PCDH15: variants seen among roughly 807,000 people sequenced by gnomAD.
The protein encoded by PCDH15 is protocadherin related 15.
PCDH15 carries 129 observed loss-of-function variants against 178.5 expected under a neutral mutation model. The ratio of observed to expected loss-of-function variants is 0.72; its 90% CI spans 0.63 to 0.84. The LOEUF is 0.84. Ranked by LOEUF, PCDH15 falls within the 40% of genes least tolerant of loss-of-function variation. The pLI is 0.00. For missense variants in PCDH15, 2,230 were observed against 2,099.9 expected (o/e 1.06, Z -1.21); for synonymous variants, 800 against 732.0 (o/e 1.09, Z -1.50).
intron 16 of PCDH15, among the ~76,000 whole-genome samples, chr10:54,082,819 C>T (rs534477530): frequency 6.7e-5 from 10 of 150,338 alleles, no homozygotes; most frequent in South Asian, 2.1e-4. Context: ...AAAAAAACAA[C>T]GCATATAACT....
At chr10:54,010,757 G>C (rs1565002084) in intron 20 of PCDH15, among the ~76,000 whole-genome samples, 1 of 152,106 alleles carries the variant, frequency 6.6e-6, no homozygotes, top group Non-Finnish European at 1.5e-5. Flanking sequence ...CCACAATATG[G>C]ACAGAAGCCC....
chr10:55,484,279 C>T (rs977753551), intron 2 of PCDH15, among the ~76,000 whole-genome samples: 29 of 151,482 alleles, frequency 1.9e-4, no homozygotes, highest in African/African-American at 6.8e-4. Flanking sequence ...ACTTGTACCC[C>T]TGAACTTAAA....
rs549184328 is a variant in PCDH15, at chr10:53,821,372, C to T, written c.4368-1142G>A. ...AATCTAGGTACATTATATTTTACTT[C>T]GGTAGTATTTCTTCTTACCAAATAC... On this transcript the variant is annotated intron_variant, in intron 32 of 37. Transcript: ENST00000644397. 96 of 993,922 alleles carry T rather than the reference C, an allele frequency of 9.7e-5. 1 individual carries two copies. In the African/African-American group the frequency reaches 1.2e-3, roughly 12 times the overall value. 61.6% of individuals were successfully genotyped at this position (993,922 alleles called of 1,614,324 possible).
At chr10:54,104,845 CAAAA>C (rs56195842) in intron 15 of PCDH15, among the ~76,000 whole-genome samples, 4 of 48,636 alleles carry the variant, frequency 8.2e-5, no homozygotes, top group Admixed American at 2.7e-4. Flanking sequence ...TCAACAACAA[CAAAA>C]AAAAAAAAAA....
intron 3 of PCDH15, among the ~76,000 whole-genome samples, chr10:54,837,197 T>C (rs1953331787): frequency 2.6e-5 from 4 of 152,106 alleles, no homozygotes; most frequent in Admixed American, 2.6e-4. Context: ...AACTAAAAGT[T>C]AGTAGACAAT....
chr10:55,366,615 C>T (rs779725528), intron 2 of PCDH15, among the ~76,000 whole-genome samples: 8 of 152,022 alleles, frequency 5.3e-5, no homozygotes, highest in African/African-American at 1.4e-4. Flanking sequence ...GAAAATACTT[C>T]GACAGAAGTT....
intron 8 of PCDH15, among the ~76,000 whole-genome samples, chr10:54,292,319 T>C (rs945144744): frequency 6.6e-6 from 1 of 152,120 alleles, no homozygotes; most frequent in Non-Finnish European, 1.5e-5. Context: ...ATGGGATGTA[T>C]CTCAAAATAA....
chr10:55,122,809 A>T (rs1447391743), intron 2 of PCDH15, among the ~76,000 whole-genome samples: 1 of 152,226 alleles, frequency 6.6e-6, no homozygotes, highest in East Asian at 1.9e-4. Flanking sequence ...TGACAAATAC[A>T]AATATGTATG....
At chr10:55,238,583 T>C (rs191017290) in intron 1 of PCDH15, among the ~76,000 whole-genome samples, 40 of 152,308 alleles carry the variant, frequency 2.6e-4, no homozygotes, top group Admixed American at 1.6e-3. Flanking sequence ...CAACCAATGA[T>C]AGCCTTTAAC....
intron 2 of PCDH15, among the ~76,000 whole-genome samples, chr10:55,057,417 C>A (rs1841332093): frequency 6.6e-6 from 1 of 152,032 alleles, no homozygotes; most frequent in South Asian, 2.1e-4. Flanking sequence ...ATTTTATTTC[C>A]ATTTTTCAAG....
chr10:55,104,771 A>T (rs1237772867), intron 2 of PCDH15, among the ~76,000 whole-genome samples: 1 of 152,146 alleles, frequency 6.6e-6, no homozygotes, highest in East Asian at 1.9e-4. Flanking sequence ...TCAAGGAAAA[A>T]ATCCGGCATC....
At chr10:55,012,033 C>T (rs1479110240) in intron 2 of PCDH15, among the ~76,000 whole-genome samples, 1 of 152,098 alleles carries the variant, frequency 6.6e-6, no homozygotes, top group Non-Finnish European at 1.5e-5. Flanking sequence ...CCATTTCTCC[C>T]TTGGCACGAA....
At chr10:54,458,491 CT>C (rs918978761) in intron 3 of PCDH15, among the ~76,000 whole-genome samples, 28 of 151,276 alleles carry the variant, frequency 1.9e-4, no homozygotes, top group Non-Finnish European at 3.2e-4. Context: ...TGGTTCTTTG[CT>C]TTTTTTTTCT....
intron 8 of PCDH15, among the ~76,000 whole-genome samples, chr10:54,251,559 T>A (rs1411433678): frequency 6.6e-6 from 1 of 152,216 alleles, no homozygotes; most frequent in Non-Finnish European, 1.5e-5. Flanking sequence ...GTGCTTTTTT[T>A]AACCAGGCTG....
At chr10:55,023,862 C>T (rs982065219) in intron 2 of PCDH15, among the ~76,000 whole-genome samples, 1 of 131,044 alleles carries the variant, frequency 7.6e-6, no homozygotes. Context: ...TATATATATT[C>T]CTTCCTATAT....
At chr10:54,183,347 A>T (rs1339586917) in intron 13 of PCDH15, 97 bp downstream of exon 13, 1 of 1,199,756 alleles carries the variant, frequency 8.3e-7, no homozygotes, top group Non-Finnish European at 1.2e-6. Context: ...GTGTGAAATC[A>T]ATTTCTGTTT....
chr10:53,943,475 C>T (rs12256780), intron 23 of PCDH15, among the ~76,000 whole-genome samples: 2,297 of 148,952 alleles, frequency 0.015, 58 homozygotes, highest in African/African-American at 0.051. Context: ...GTTTAAATCT[C>T]AAAAAAACAA....
chr10:54,014,513 C>G (rs551530550), intron 20 of PCDH15, among the ~76,000 whole-genome samples: 1 of 152,096 alleles, frequency 6.6e-6, no homozygotes, highest in African/African-American at 2.4e-5. Context: ...ATCCAAAAAT[C>G]TTCAACAAAA....
chr10:55,565,930 T>C (rs1240976975), intron 2 of PCDH15, among the ~76,000 whole-genome samples: 1 of 151,660 alleles, frequency 6.6e-6, no homozygotes, highest in Non-Finnish European at 1.5e-5. Context: ...GCATCAATCT[T>C]TTTCAAACTT....
Sources: gnomAD v4.1 joint callset for allele counts (sites outside exome capture counted in the v4.1 genomes callset) on GRCh38, gnomAD v4.1.1 for gene constraint, MANE v1.5 for transcripts, NCBI Gene and HGNC (gene_info 2026-07-23, HGNC 2026-07-21) for gene names.